The following TMEM63B variants were observed in gnomAD, a reference collection of about 807,000 sequenced individuals.
TMEM63B encodes the protein transmembrane protein 63B, also known as mechanosensitive cation channel TMEM63B.
In TMEM63B, 23 loss-of-function variants were observed where a neutral mutation model predicts 102.6. The ratio of observed to expected loss-of-function variants is 0.22; its 90% CI spans 0.16 to 0.32. The LOEUF (loss-of-function observed/expected upper bound fraction) is 0.32, where lower values mean the gene tolerates loss of function less well. TMEM63B is among the 10% of genes least tolerant of loss of function. TMEM63B has a pLI of 1.00. For synonymous variants in TMEM63B, 444 were observed against 437.0 expected (o/e 1.02, Z -0.20); for missense variants, 628 against 1,095.9 (o/e 0.57, Z 6.03).
rs369812289 is a variant in TMEM63B at position 44,151,842 on chromosome 6, G to A, written c.1674-4G>A. ...TGCAGTGCTGGAGCACCTGGTGCCC[G>A]CAGGTGTGTGTTCCTGCCCGACAAC... On this transcript the variant is annotated splice_region_variant and splice_polypyrimidine_tract_variant and intron_variant, in intron 18 of 23. Coordinates refer to ENST00000323267, the MANE Select transcript of TMEM63B (RefSeq NM_018426.3). 3.8e-5 allele frequency: 61 copies of A among 1,605,186 alleles called. No individual in the cohort carries two copies. The highest frequency in any genetic ancestry group is 3.6e-4 in the African/African-American group (27 of 74,644).
At chr6:44,138,437 T>C in intron 5 of TMEM63B, 43 bp from the exon 6 acceptor site, 2 of 1,613,648 alleles carry the variant, frequency 1.2e-6, no homozygotes, top group Non-Finnish European at 1.7e-6. Flanking sequence ...AGGTTCGGGT[T>C]GGTGGGCTGG....
chr6:44,139,860 C>T, intron 8 of TMEM63B, 101 bp downstream of exon 8: 3 of 1,472,428 alleles, frequency 2.0e-6, no homozygotes, highest in Non-Finnish European at 2.8e-6. Flanking sequence ...GGGAGCAGAG[C>T]CTACAGGGAT....
chr6:44,151,949 A>T lies in TMEM63B; in HGVS notation c.1777A>T (p.Met593Leu), dbSNP rs751839248. The T allele has an allele frequency of 2.5e-6, 4 of 1,613,232 alleles. No homozygotes were observed. The highest frequency in any genetic ancestry group is 3.4e-6 in the Non-Finnish European group (4 of 1,179,548). Reference protein sequence around the residue: ...MDLLRIPGLLMYMIRLCLARS... With the variant: ...MDLLRIPGLLLYMIRLCLARS... ...CCTGCTGCGCATCCCAGGCCTGCTC[A>T]TGTACATGATCCGGCTCTGCCTGGC... is the stretch of plus-strand genomic sequence containing the variant. The change falls in exon 19 of 24, where the codon ATG (methionine) becomes TTG (leucine). Residue 593 changes from methionine to leucine, a missense_variant. Physicochemically the swap from Met to Leu is conservative, Grantham distance 15. This residue lies in a region of TMEM63B where 90 missense variants were observed against 136.7 expected (regional missense o/e 0.66). Transcript: ENST00000323267.
At position 44,150,407 on chromosome 6, in the gene TMEM63B, G is replaced by C; in HGVS notation, c.1607+97G>C. 1.4e-6 allele frequency: 2 copies of C among 1,480,000 alleles called. No individual in the cohort carries two copies. The highest frequency in any genetic ancestry group is 1.9e-6 in the Non-Finnish European group (2 of 1,061,384). 91.7% of individuals were successfully genotyped at this position (1,480,000 alleles called of 1,614,324 possible). On this transcript the variant is annotated intron_variant, in intron 17 of 23. Coordinates refer to ENST00000323267, the MANE Select transcript of TMEM63B (RefSeq NM_018426.3). The surrounding 1 kb of genome is among the most constrained non-coding windows in gnomAD (Gnocchi z 4.7). ...CTCCCTACCTCCCCTACAAAGCAAGGGGCCCAAGATGGGAAGCCTGGCCAC... is the reference window on the plus strand; with the variant it reads ...CTCCCTACCTCCCCTACAAAGCAAGCGGCCCAAGATGGGAAGCCTGGCCAC...
At chr6:44,138,739 C>CCCCCCCCA in intron 6 of TMEM63B, 5 of 400,166 alleles carry the variant, frequency 1.2e-5, no homozygotes, top group South Asian at 2.7e-5. Flanking sequence ...CCTGCCGGCC[C>CCCCCCCCA]CCCCGCTTCT....
intron 10 of TMEM63B, among the ~76,000 whole-genome samples, chr6:44,144,062 G>A (rs915623133): frequency 3.3e-5 from 5 of 152,204 alleles, no homozygotes; most frequent in African/African-American, 1.2e-4. Flanking sequence ...CTATAAGCAG[G>A]GGTAAGGGAG....
chr6:44,130,901 G>A (rs1264180064), intron 1 of TMEM63B, among the ~76,000 whole-genome samples: 2 of 150,974 alleles, frequency 1.3e-5, no homozygotes, highest in Non-Finnish European at 3.0e-5. Context: ...ACAGGGGTGA[G>A]CCACCCCACC....
chr6:44,143,567 G>GTTGTTT (rs1554197880), intron 10 of TMEM63B, among the ~76,000 whole-genome samples: 2 of 131,998 alleles, frequency 1.5e-5, no homozygotes, highest in African/African-American at 3.0e-5. Context: ...TCTGGTGTTT[G>GTTGTTT]TTGTTTTTGT....
intron 23 of TMEM63B, 75 bp from the exon 24 acceptor site, chr6:44,154,617 C>T: frequency 6.7e-7 from 1 of 1,496,446 alleles, no homozygotes; most frequent in Non-Finnish European, 9.0e-7. Flanking sequence ...ACTCTGCTGT[C>T]CTACATGCCC....
At chr6:44,151,388 C>T (rs6912142) in intron 18 of TMEM63B, among the ~76,000 whole-genome samples, 18,195 of 152,018 alleles carry the variant, frequency 0.12, 1,211 homozygotes, top group Admixed American at 0.18. Context: ...ATAAAGGTTC[C>T]TGGGCTCCCC....
intron 5 of TMEM63B, among the ~76,000 whole-genome samples, chr6:44,137,846 G>A (rs546046550): frequency 9.2e-5 from 14 of 151,936 alleles, no homozygotes; most frequent in African/African-American, 2.2e-4. Context: ...TTACAGGCGC[G>A]CACCACCACA....
chr6:44,149,077 A>G (rs1766017718), intron 15 of TMEM63B, 132 bp downstream of exon 15: 1 of 1,413,478 alleles, frequency 7.1e-7, no homozygotes. Context: ...CCAGCTCCCA[A>G]AAACCCCTGT....
At chr6:44,135,456 G>T in intron 4 of TMEM63B, 90 bp downstream of exon 4, 1 of 1,489,802 alleles carries the variant, frequency 6.7e-7, no homozygotes, top group Non-Finnish European at 9.1e-7. Flanking sequence ...CAAGTTGCTG[G>T]TTTCTTTTTG....
At chr6:44,147,345 G>C in intron 11 of TMEM63B, 32 bp from the exon 12 acceptor site, 1 of 1,614,072 alleles carries the variant, frequency 6.2e-7, no homozygotes, top group Non-Finnish European at 8.5e-7. Context: ...CCCAGCCCCA[G>C]ATGTAGGTGA....
At chr6:44,134,022 T>C (rs916458970) in intron 1 of TMEM63B, among the ~76,000 whole-genome samples, 6 of 152,218 alleles carry the variant, frequency 3.9e-5, no homozygotes, top group African/African-American at 1.4e-4. Flanking sequence ...AAGCCAGTTA[T>C]ATTGAGTTCA....
At position 44,148,104 on chromosome 6, in the gene TMEM63B, C is replaced by T; in HGVS notation, c.988-148C>T. 8.2e-7 allele frequency: 1 copy of T among 1,219,066 alleles called. No individual in the cohort carries two copies. The highest frequency in any genetic ancestry group is 2.4e-5 in the Admixed American group (1 of 42,134). The allele number at this position is 1,219,066 out of a possible 1,614,324, so 75.5% of individuals were successfully genotyped here. The stretch of plus-strand genomic sequence containing the variant: ...CACCACTACACTCCAGCCTGGGCAT[C>T]AGAGCGAGACGCTGTTTCCAAAAAA... On this transcript the variant is annotated intron_variant, in intron 12 of 23. Coordinates refer to ENST00000323267, the MANE Select transcript of TMEM63B (RefSeq NM_018426.3). The surrounding 1 kb of genome is among the most constrained non-coding windows in gnomAD (Gnocchi z 5.1).
chr6:44,143,854 C>T lies in TMEM63B; in HGVS notation c.782+2756C>T, dbSNP rs116302992. On this transcript the variant is annotated intron_variant, in intron 10 of 23. Coordinates refer to ENST00000323267, the MANE Select transcript of TMEM63B (RefSeq NM_018426.3). ...GATAGACAGGGAGGGACTCTGACAG[C>T]GTGGCATTTGAACAGAGACCTGAGT... Among the ~76,000 whole-genome samples the T allele has an allele frequency of 7.9e-3, 1,195 of 152,208 alleles. 13 individuals carry two copies. The highest frequency in any genetic ancestry group is 0.026 in the African/African-American group (1,087 of 41,526).
Position 44,154,421 on chromosome 6 carries a change from T to G in TMEM63B, c.2283T>G (p.Thr761=). The G allele has an allele frequency of 6.2e-7, 1 of 1,613,936 alleles. No homozygotes were observed. Among genetic ancestry groups the G allele is most frequent in the African/African-American group, 1.3e-5 (1 of 75,036 alleles). ...CCAGAAGCAATGGACGGCCCCCCAC[T>G]GCTGCTGCTGTCCCCAAATCTGCGG... ...VDPRSNGRPP[T]AAAVPKSAKY... The change falls in exon 23 of 24, where the codon ACT becomes ACG. Residue 761 remains threonine (T), a synonymous_variant. Coordinates refer to ENST00000323267, the MANE Select transcript of TMEM63B (RefSeq NM_018426.3).
intron 21 of TMEM63B, 100 bp from the exon 22 acceptor site, chr6:44,153,973 A>G: frequency 3.9e-6 from 6 of 1,554,336 alleles, no homozygotes; most frequent in East Asian, 2.2e-5. Flanking sequence ...GCCAGTCTGT[A>G]GCACCTGGGA....
Sources: allele counts gnomAD v4.1 joint callset (sites outside exome capture counted in the v4.1 genomes callset), GRCh38; gene constraint gnomAD v4.1.1; regional missense constraint gnomAD v4.1.1; non-coding constraint Gnocchi (gnomAD v3.1); transcripts MANE v1.5; gene names NCBI Gene and HGNC (gene_info 2026-07-23, HGNC 2026-07-21).